The following ARHGAP24 variants were observed in gnomAD, a reference collection of about 807,000 sequenced individuals.
The protein encoded by ARHGAP24 is Rho GTPase activating protein 24.
In ARHGAP24, 50 loss-of-function variants were observed where a neutral mutation model predicts 76.4. The observed-to-expected ratio is 0.65, with a 90% confidence interval of 0.52 to 0.83. The LOEUF is 0.83. Among genes scored for constraint, ARHGAP24 ranks in the 40% least tolerant of loss-of-function variants. The pLI is 0.00. For synonymous variants in ARHGAP24, 345 were observed against 323.3 expected, an observed-to-expected ratio of 1.07 and a Z score of -0.72; for missense variants, 930 against 914.2, an observed-to-expected ratio of 1.02 and a Z score of -0.22.
chr4:85,880,551 C>T (rs911114401), intron 3 of ARHGAP24, among the ~76,000 whole-genome samples: 5 of 151,118 alleles, frequency 3.3e-5, no homozygotes, highest in Non-Finnish European at 7.4e-5. Flanking sequence ...GTGTGTGTGA[C>T]GGAGTCTCGC....
intron 3 of ARHGAP24, among the ~76,000 whole-genome samples, chr4:85,853,736 C>A (rs12152609): frequency 0.48 from 72,305 of 151,814 alleles, 18,718 homozygotes; most frequent in East Asian, 0.86. Flanking sequence ...ACCATCCTGG[C>A]CAAGCTCAAG....
chr4:85,737,111 A>G lies in ARHGAP24; in HGVS notation c.268+15139A>G, dbSNP rs1196679230. Reference sequence around the variant, plus strand: ...TCACCAGCACACAGCTGGTGAAAAAATAATGGTTTTGTTTGTTTGTTTGTT... The same window carrying G: ...TCACCAGCACACAGCTGGTGAAAAAGTAATGGTTTTGTTTGTTTGTTTGTT... On this transcript the variant is annotated intron_variant, in intron 3 of 9. Transcript: ENST00000395184. Among the ~76,000 whole-genome samples, 4 of 152,042 alleles carry G rather than the reference A, an allele frequency of 2.6e-5. No homozygotes were observed. The East Asian group carries it at 7.7e-4, about 29-fold the overall frequency.
chr4:85,990,370 T>C (rs577511001), intron 8 of ARHGAP24: 2 of 151,980 alleles, frequency 1.3e-5, no homozygotes, highest in East Asian at 3.9e-4. Context: ...AATTGACCTA[T>C]AGTTTTAATA....
chr4:85,785,556 A>G (rs954678692), intron 3 of ARHGAP24, among the ~76,000 whole-genome samples: 1 of 152,002 alleles, frequency 6.6e-6, no homozygotes, highest in African/African-American at 2.4e-5. Flanking sequence ...TTTCTTTTTA[A>G]CAATTACAAA....
At chr4:85,592,921 T>C (rs1728176268) in intron 2 of ARHGAP24, among the ~76,000 whole-genome samples, 1 of 152,188 alleles carries the variant, frequency 6.6e-6, no homozygotes. Flanking sequence ...TTCTTGGCTA[T>C]TGTGAACAGT....
intron 3 of ARHGAP24, chr4:85,827,964 T>C: frequency 7.8e-7 from 1 of 1,289,738 alleles, no homozygotes; most frequent in South Asian, 1.2e-5. Flanking sequence ...CTGAAGTGTA[T>C]GTTTGTGCAA....
intron 3 of ARHGAP24, chr4:85,778,823 T>C: frequency 1.0e-6 from 1 of 985,446 alleles, no homozygotes. Flanking sequence ...TTGAAAGGAA[T>C]GGTTTGTGTC....
At chr4:85,899,260 A>G (rs1248366578) in intron 3 of ARHGAP24, among the ~76,000 whole-genome samples, 1 of 152,230 alleles carries the variant, frequency 6.6e-6, no homozygotes, top group African/African-American at 2.4e-5. Flanking sequence ...CTTGAAATGC[A>G]TTTACAGAAT....
chr4:85,849,361 T>C (rs345324), intron 3 of ARHGAP24, among the ~76,000 whole-genome samples: 1 of 151,880 alleles, frequency 6.6e-6, no homozygotes, highest in Non-Finnish European at 1.5e-5. Flanking sequence ...AGACGATGGG[T>C]TTTTCTAAAT....
At chr4:85,820,219 G>A (rs1729411555) in intron 3 of ARHGAP24, among the ~76,000 whole-genome samples, 1 of 152,120 alleles carries the variant, frequency 6.6e-6, no homozygotes, top group African/African-American at 2.4e-5. Context: ...CAATAGCATG[G>A]ATATGGAATC....
At chr4:85,737,711 A>T (rs1363614636) in intron 3 of ARHGAP24, among the ~76,000 whole-genome samples, 1 of 152,120 alleles carries the variant, frequency 6.6e-6, no homozygotes, top group Admixed American at 6.5e-5. Context: ...TCTTTCTTTC[A>T]GGTCACTTAT....
At chr4:85,527,035 C>T (rs753787755) in intron 1 of ARHGAP24, among the ~76,000 whole-genome samples, 9 of 152,092 alleles carry the variant, frequency 5.9e-5, no homozygotes, top group African/African-American at 1.2e-4. Context: ...ATATCCTGCA[C>T]GCTTGATTCT....
intron 3 of ARHGAP24, among the ~76,000 whole-genome samples, chr4:85,807,908 C>A (rs1264499251): frequency 6.6e-6 from 1 of 152,152 alleles, no homozygotes; most frequent in Non-Finnish European, 1.5e-5. Flanking sequence ...TGCTCTGTAT[C>A]CCTCAAGGCA....
Position 85,972,142 on chromosome 4 carries a change from A to G in ARHGAP24, c.706A>G (p.Lys236Glu), listed in dbSNP as rs771430463. The G allele has an allele frequency of 2.5e-6, 4 of 1,613,702 alleles. No individual in the cohort carries two copies. The highest frequency in any genetic ancestry group is 3.4e-6 in the Non-Finnish European group (4 of 1,179,990). The change falls in exon 6 of 10, where the codon AAA (lysine) becomes GAA (glutamate). Residue 236 changes from lysine to glutamate, a missense_variant. Lys to Glu is a moderately conservative substitution (Grantham distance 56, BLOSUM62 1). Transcript: ENST00000395184. ...GTATGAAGATTTTTTGTCATGTGCC[A>G]AACTGCTCAGCAAGGAAGAGGAAGC... ...AKYEDFLSCAKLLSKEEEAGV... is the reference protein window; with the variant it reads ...AKYEDFLSCAELLSKEEEAGV...
Position 85,994,871 on chromosome 4 carries a change from G to T in ARHGAP24, c.1217G>T (p.Ser406Ile), listed in dbSNP as rs1258803674. ...SGSKTNSPKN[S>I]VHKLDVSRSP... ...AGCAAAACCAACAGCCCAAAGAACA[G>T]TGTTCACAAGCTAGATGTGTCTAGA... Residue 406 changes from serine to isoleucine, a missense_variant, in exon 9 of 10, where the codon AGT (serine) becomes ATT (isoleucine). Ser to Ile is a moderately radical substitution (Grantham distance 142). Transcript: ENST00000395184. 3 of 1,614,144 alleles carry T rather than the reference G, an allele frequency of 1.9e-6. No individual in the cohort carries two copies. Among genetic ancestry groups the T allele is most frequent in the Admixed American group, 1.7e-5 (1 of 60,028 alleles).
chr4:85,500,793 T>C (rs1056044730), intron 1 of ARHGAP24, among the ~76,000 whole-genome samples: 2 of 152,262 alleles, frequency 1.3e-5, no homozygotes, highest in African/African-American at 2.4e-5. Flanking sequence ...GGTATACATG[T>C]GCCATGTTGG....
intron 2 of ARHGAP24, among the ~76,000 whole-genome samples, chr4:85,695,807 A>C (rs1723845146): frequency 6.6e-6 from 1 of 152,206 alleles, no homozygotes; most frequent in African/African-American, 2.4e-5. Flanking sequence ...AATTAGTGTA[A>C]TATACTATGC....
intron 5 of ARHGAP24, among the ~76,000 whole-genome samples, chr4:85,968,888 A>AAT (rs1406284382): frequency 2.0e-5 from 3 of 152,102 alleles, no homozygotes; most frequent in African/African-American, 7.2e-5. Context: ...TTAATCAAAA[A>AAT]ATATATATAT....
chr4:85,516,241 A>T (rs1159855210), intron 1 of ARHGAP24, among the ~76,000 whole-genome samples: 2 of 152,200 alleles, frequency 1.3e-5, no homozygotes, highest in Non-Finnish European at 2.9e-5. Flanking sequence ...CCCTACCTTG[A>T]GCACTGAGTT....
Sources: gnomAD v4.1 joint callset for allele counts (sites outside exome capture counted in the v4.1 genomes callset) on GRCh38, gnomAD v4.1.1 for gene constraint, MANE v1.5 for transcripts, NCBI Gene and HGNC (gene_info 2026-07-23, HGNC 2026-07-21) for gene names.